Variants in RIMBP2 observed in about 807,000 individuals in gnomAD.
RIMBP2 encodes RIMS binding protein 2, also known as RIMS-binding protein 2.
RIMBP2 carries 48 observed loss-of-function variants against 118.6 expected under a neutral mutation model. That is an observed-to-expected ratio of 0.40 (90% CI 0.32 to 0.51). The LOEUF is 0.51. RIMBP2 is among the 20% of genes least tolerant of loss of function. The probability of loss-of-function intolerance (pLI) is 0.41; values close to 1 mark genes in which losing one functional copy is unlikely to be tolerated. For missense variants in RIMBP2, 1,551 were observed against 1,768.3 expected (o/e 0.88, Z 2.20); for synonymous variants, 762 against 742.9 (o/e 1.03, Z -0.42).
At chr12:130,693,928 T>C (rs2065451758) in intron 1 of RIMBP2, among the ~76,000 whole-genome samples, 1 of 152,168 alleles carries the variant, frequency 6.6e-6, no homozygotes, top group Non-Finnish European at 1.5e-5. Flanking sequence ...AGGATTGTTG[T>C]CATCAAGATG....
At chr12:130,580,948 T>TG (rs397739559) in intron 2 of RIMBP2, among the ~76,000 whole-genome samples, 12,747 of 148,216 alleles carry the variant, frequency 0.086, 716 homozygotes, top group Non-Finnish European at 0.14. Context: ...TGTGTGTGTG[T>TG]TTGTTTGTGT....
In RIMBP2 at chr12:130,665,000, G is replaced by A. The variant is rs1017373570; in HGVS notation, c.-351-36544C>T. ...TCTGGACCAGAGCCGCCCTCAGCAG[G>A]TGTGAGCAGCATGCTGGAGTCCGAC... On this transcript the variant is annotated intron_variant, in intron 1 of 22. Transcript: ENST00000690449. 2.5e-4 allele frequency among the ~76,000 whole-genome samples: 38 copies of A among 151,714 alleles called. 1 individual carries two copies. Among genetic ancestry groups the A allele is most frequent in the African/African-American group, 9.3e-4 (38 of 41,020 alleles).
At chr12:130,521,055 G>A (rs2052052805) in intron 2 of RIMBP2, among the ~76,000 whole-genome samples, 1 of 152,184 alleles carries the variant, frequency 6.6e-6, no homozygotes, top group Non-Finnish European at 1.5e-5. Flanking sequence ...TGACATGCAT[G>A]TGTTTGCAGG....
At chr12:130,606,919 C>T (rs2060226993) in intron 2 of RIMBP2, among the ~76,000 whole-genome samples, 2 of 152,324 alleles carry the variant, frequency 1.3e-5, no homozygotes, top group Admixed American at 1.3e-4. Flanking sequence ...GCAACCTCCG[C>T]CTCCCGGGTT....
chr12:130,490,932 T>C (rs2138427870), intron 4 of RIMBP2, among the ~76,000 whole-genome samples: 1 of 152,296 alleles, frequency 6.6e-6, no homozygotes, highest in South Asian at 2.1e-4. Flanking sequence ...GGAAGCGGTC[T>C]ACACAGCAGC....
Position 130,525,762 on chromosome 12 carries a change from G to A in RIMBP2, c.-216-7845C>T, listed in dbSNP as rs770231717. ...CAGCTTTGATCCCCTGGGCTTCTAC[G>A]CTGGGCCAAGAACCAACATAAGCTC... is the stretch of plus-strand genomic sequence containing the variant. On this transcript the variant is annotated intron_variant, in intron 2 of 22. Coordinates refer to ENST00000690449, the MANE Select transcript of RIMBP2 (RefSeq NM_001393629.1). This position sits in a 1 kb window ranked among gnomAD's most constrained non-coding sequence, Gnocchi z 4.4. 2.2e-4 allele frequency among the ~76,000 whole-genome samples: 34 copies of A among 152,268 alleles called. No homozygotes were observed. Among genetic ancestry groups the A allele is most frequent in the Middle Eastern group, 6.8e-3 (2 of 294 alleles).
At chr12:130,460,000 A>G (rs989753052) in intron 6 of RIMBP2, among the ~76,000 whole-genome samples, 1 of 152,208 alleles carries the variant, frequency 6.6e-6, no homozygotes, top group Non-Finnish European at 1.5e-5. Flanking sequence ...ATGGATCACA[A>G]TAAGCTGCGG....
At chr12:130,652,020 T>C (rs1279844160) in intron 1 of RIMBP2, among the ~76,000 whole-genome samples, 1 of 152,252 alleles carries the variant, frequency 6.6e-6, no homozygotes, top group African/African-American at 2.4e-5. Context: ...TATTTACTCT[T>C]CCCTCCTGCC....
intron 2 of RIMBP2, among the ~76,000 whole-genome samples, chr12:130,593,876 A>G (rs950313307): frequency 2.0e-5 from 3 of 152,114 alleles, no homozygotes; most frequent in African/African-American, 7.2e-5. Flanking sequence ...CTCCTTTCCC[A>G]ATCGCTACAA....
intron 3 of RIMBP2, among the ~76,000 whole-genome samples, chr12:130,515,747 G>C (rs1326723541): frequency 6.6e-6 from 1 of 152,044 alleles, no homozygotes; most frequent in Non-Finnish European, 1.5e-5. Flanking sequence ...GCCCAGGCTG[G>C]AGTGCAATGG....
intron 2 of RIMBP2, among the ~76,000 whole-genome samples, chr12:130,547,061 C>T (rs556545245): frequency 2.6e-5 from 4 of 152,248 alleles, no homozygotes; most frequent in South Asian, 2.1e-4. Flanking sequence ...TTTCCCTGTC[C>T]CCCTACTTCC....
intron 2 of RIMBP2, among the ~76,000 whole-genome samples, chr12:130,567,693 C>G (rs763370055): frequency 6.6e-6 from 1 of 152,242 alleles, no homozygotes. Context: ...ATAGCAGCCA[C>G]AGCGGCCAAC....
At chr12:130,673,245 C>A (rs1306927184) in intron 1 of RIMBP2, among the ~76,000 whole-genome samples, 1 of 152,218 alleles carries the variant, frequency 6.6e-6, no homozygotes, top group Non-Finnish European at 1.5e-5. Flanking sequence ...ACTCAACTCG[C>A]GGGCTGGCTC....
intron 1 of RIMBP2, among the ~76,000 whole-genome samples, chr12:130,709,189 G>C (rs2136864534): frequency 6.6e-6 from 1 of 152,372 alleles, no homozygotes; most frequent in Non-Finnish European, 1.5e-5. Context: ...GCAGTCACCA[G>C]GGCTGGTGGG....
chr12:130,433,807 C>T (rs1022954059), intron 14 of RIMBP2, among the ~76,000 whole-genome samples: 1 of 152,204 alleles, frequency 6.6e-6, no homozygotes, highest in Non-Finnish European at 1.5e-5. Context: ...CGAGACAGAA[C>T]TCAGACCCCT....
chr12:130,432,177 G>C (rs1049054373), intron 14 of RIMBP2: 6 of 455,778 alleles, frequency 1.3e-5, no homozygotes, highest in African/African-American at 1.2e-4. Flanking sequence ...ATTCACTCCT[G>C]GATAGGTGAG....
chr12:130,508,031 T>C (rs1203760968), intron 3 of RIMBP2, among the ~76,000 whole-genome samples: 1 of 152,166 alleles, frequency 6.6e-6, no homozygotes, highest in Non-Finnish European at 1.5e-5. Context: ...TTTAATGCCA[T>C]TTTGCTGCAA....
chr12:130,571,416 ATTTT>A (rs1555294909), intron 2 of RIMBP2, among the ~76,000 whole-genome samples: 5 of 104,268 alleles, frequency 4.8e-5, no homozygotes, highest in Non-Finnish European at 6.4e-5. Flanking sequence ...CCATAGTAAC[ATTTT>A]TTTTTTTTTT....
At chr12:130,696,436 T>C (rs370153886) in intron 1 of RIMBP2, among the ~76,000 whole-genome samples, 3 of 152,234 alleles carry the variant, frequency 2.0e-5, no homozygotes, top group African/African-American at 7.2e-5. Context: ...ACATTAAACC[T>C]GAGTAAGGTT....
Sources: allele counts gnomAD v4.1 joint callset (sites outside exome capture counted in the v4.1 genomes callset), GRCh38; gene constraint gnomAD v4.1.1; non-coding constraint Gnocchi (gnomAD v3.1); transcripts MANE v1.5; gene names NCBI Gene and HGNC (gene_info 2026-07-23, HGNC 2026-07-21).